The following SMIM35 variants were observed in gnomAD, a reference collection of about 807,000 sequenced individuals.
The protein encoded by SMIM35 is TMPRSS4 antisense RNA 1 (non-protein coding).
intron 1 of SMIM35, among the ~76,000 whole-genome samples, chr11:118,063,563 G>C (rs991112130): frequency 2.6e-5 from 4 of 152,204 alleles, no homozygotes; most frequent in Non-Finnish European, 4.4e-5. Flanking sequence ...TGAGCTGACT[G>C]AGGCCTGGAA....
intron 1 of SMIM35, among the ~76,000 whole-genome samples, chr11:118,035,319 C>A (rs2058351148): frequency 6.6e-6 from 1 of 152,084 alleles, no homozygotes; most frequent in Non-Finnish European, 1.5e-5. Context: ...CCCTTGAATT[C>A]TGTGCCCCAA....
At chr11:118,081,679 C>T (rs1420439731) in intron 1 of SMIM35, among the ~76,000 whole-genome samples, 5 of 152,248 alleles carry the variant, frequency 3.3e-5, no homozygotes, top group African/African-American at 7.2e-5. Context: ...GGGCGTCGCC[C>T]GCTGGTGCGG....
chr11:118,067,860 CATATATATATATATAT>C (rs57497227), intron 1 of SMIM35, among the ~76,000 whole-genome samples: 3,693 of 80,912 alleles, frequency 0.046, 137 homozygotes, highest in Non-Finnish European at 0.064. Context: ...CAACAACAAA[CATATATATATATATAT>C]ATATATATAT....
chr11:118,056,360 T>A (rs1387432012), intron 1 of SMIM35, among the ~76,000 whole-genome samples: 1 of 151,896 alleles, frequency 6.6e-6, no homozygotes, highest in Admixed American at 6.6e-5. Flanking sequence ...TGGGGATCAA[T>A]TGGAGGTAGT....
chr11:118,048,008 GC>G (rs1444562927), intron 1 of SMIM35, among the ~76,000 whole-genome samples: 2 of 152,182 alleles, frequency 1.3e-5, no homozygotes, highest in African/African-American at 2.4e-5. Flanking sequence ...CTCTCTGCAT[GC>G]CTCCCCATCA....
At chr11:118,016,159 T>C (rs752429845) in intron 1 of SMIM35, among the ~76,000 whole-genome samples, 1 of 152,026 alleles carries the variant, frequency 6.6e-6, no homozygotes, top group Non-Finnish European at 1.5e-5. Flanking sequence ...AGCCAGGTGG[T>C]CAGGGGCCAC....
chr11:118,021,733 A>C (rs1326934113), intron 1 of SMIM35, among the ~76,000 whole-genome samples: 2 of 152,254 alleles, frequency 1.3e-5, no homozygotes, highest in African/African-American at 4.8e-5. Context: ...GGGACAACTC[A>C]TCAAGAGGAC....
chr11:118,051,248 A>G (rs556117517), intron 1 of SMIM35, among the ~76,000 whole-genome samples: 1 of 152,296 alleles, frequency 6.6e-6, no homozygotes, highest in South Asian at 2.1e-4. Context: ...TGACATCCTG[A>G]AACAGATGGG....
At chr11:118,077,945 G>A (rs529954125) in intron 1 of SMIM35, among the ~76,000 whole-genome samples, 6 of 145,452 alleles carry the variant, frequency 4.1e-5, no homozygotes, top group African/African-American at 1.0e-4. Flanking sequence ...CTTGGGAGGC[G>A]GAGGTTGTGG....
intron 1 of SMIM35, among the ~76,000 whole-genome samples, chr11:118,061,241 C>G (rs1944391037): frequency 6.6e-6 from 1 of 152,230 alleles, no homozygotes; most frequent in Admixed American, 6.5e-5. Flanking sequence ...GATTAAGACT[C>G]CAAGCTTCAG....
chr11:118,083,521 C>G (rs960506348), intron 1 of SMIM35, among the ~76,000 whole-genome samples: 1 of 152,158 alleles, frequency 6.6e-6, no homozygotes, highest in Non-Finnish European at 1.5e-5. Context: ...ATGACAGGCC[C>G]TCTATGAAGC....
intron 1 of SMIM35, among the ~76,000 whole-genome samples, chr11:118,051,866 T>TAATACTAATACTAATACTA (rs112200385): frequency 7.9e-6 from 1 of 127,364 alleles, no homozygotes; most frequent in African/African-American, 3.1e-5. Flanking sequence ...ATACTAATAC[T>TAATACTAATACTAATACTA]ATACTAATAC....
At chr11:118,017,922 C>G (rs2058196641) in intron 1 of SMIM35, among the ~76,000 whole-genome samples, 1 of 152,144 alleles carries the variant, frequency 6.6e-6, no homozygotes, top group Non-Finnish European at 1.5e-5. Context: ...CAAGAGGGTA[C>G]CCACCCCCAT....
chr11:118,020,133 G>A (rs1192433332), intron 1 of SMIM35, among the ~76,000 whole-genome samples: 1 of 152,160 alleles, frequency 6.6e-6, no homozygotes, highest in Non-Finnish European at 1.5e-5. Context: ...AGGTGTGGTA[G>A]CGGGCAAAGG....
At chr11:118,035,926 C>T (rs2058356408) in intron 1 of SMIM35, among the ~76,000 whole-genome samples, 1 of 151,854 alleles carries the variant, frequency 6.6e-6, no homozygotes, top group Non-Finnish European at 1.5e-5. Flanking sequence ...CTCGCTCTAT[C>T]GCCCAGGCTG....
intron 1 of SMIM35, chr11:118,028,812 CAA>C (rs2058294434): frequency 4.7e-6 from 2 of 427,700 alleles, no homozygotes; most frequent in Admixed American, 2.5e-5. Context: ...CAAGGAGAAA[CAA>C]GAGGAGAAGT....
At chr11:118,085,014 A>T (rs995726942) in intron 1 of SMIM35, among the ~76,000 whole-genome samples, 23 of 152,176 alleles carry the variant, frequency 1.5e-4, no homozygotes, top group Non-Finnish European at 2.6e-4. Flanking sequence ...AAAATCATGC[A>T]AAGACCAGAT....
intron 4 of SMIM35, among the ~76,000 whole-genome samples, chr11:118,009,878 T>C (rs1412914628): frequency 6.6e-6 from 1 of 152,144 alleles, no homozygotes; most frequent in Non-Finnish European, 1.5e-5. Flanking sequence ...ACACAGCACA[T>C]CAGGGCAGGG....
At chr11:118,030,175 C>T (rs1161601657) in intron 1 of SMIM35, among the ~76,000 whole-genome samples, 1 of 152,098 alleles carries the variant, frequency 6.6e-6, no homozygotes, top group Non-Finnish European at 1.5e-5. Context: ...GCTGGGATTA[C>T]AGGCATGCAT....
Sources: allele counts gnomAD v4.1 joint callset (sites outside exome capture counted in the v4.1 genomes callset), GRCh38; gene constraint gnomAD v4.1.1; transcripts MANE v1.5; gene names NCBI Gene and HGNC (gene_info 2026-07-23, HGNC 2026-07-21).